RALYL: variants seen among roughly 807,000 people sequenced by gnomAD.
RALYL encodes RALY RNA binding protein like.
RALYL carries 29 observed loss-of-function variants against 35.1 expected under a neutral mutation model. The observed-to-expected ratio is 0.83, with a 90% confidence interval of 0.61 to 1.13. The LOEUF is 1.13. RALYL is among the 50% of genes most tolerant of loss of function. The pLI, the probability that RALYL is intolerant of heterozygous loss-of-function variation, is 0.00. For missense variants in RALYL, 359 were observed against 360.4 expected (o/e 1.00, Z 0.03); for synonymous variants, 120 against 127.6 (o/e 0.94, Z 0.40).
At chr8:84,856,226 A>T (rs1459890953) in intron 5 of RALYL, among the ~76,000 whole-genome samples, 1 of 152,210 alleles carries the variant, frequency 6.6e-6, no homozygotes, top group Non-Finnish European at 1.5e-5. Context: ...TGGATAAGTC[A>T]TCTCTTTTTT....
chr8:84,822,285 G>T (rs1301490000), intron 4 of RALYL, among the ~76,000 whole-genome samples: 1 of 152,120 alleles, frequency 6.6e-6, no homozygotes, highest in South Asian at 2.1e-4. Flanking sequence ...CCCATGGCAG[G>T]CTAAGCACTC....
At chr8:84,552,797 C>T (rs1564132980) in intron 2 of RALYL, among the ~76,000 whole-genome samples, 1 of 151,724 alleles carries the variant, frequency 6.6e-6, no homozygotes, top group Non-Finnish European at 1.5e-5. Context: ...ATTAAATTCA[C>T]CAGCCTCAAA....
intron 8 of RALYL, among the ~76,000 whole-genome samples, chr8:84,907,322 A>T (rs57349369): frequency 0.026 from 3,861 of 147,774 alleles, 186 homozygotes; most frequent in African/African-American, 0.093. Context: ...ACACACACAC[A>T]CACACACACA....
chr8:84,272,294 A>T (rs575132780), intron 1 of RALYL, among the ~76,000 whole-genome samples: 3 of 152,094 alleles, frequency 2.0e-5, no homozygotes, highest in South Asian at 2.1e-4. Context: ...GGGTTTCATC[A>T]TGTTGGCCAG....
intron 2 of RALYL, among the ~76,000 whole-genome samples, chr8:84,722,495 A>G (rs1844114430): frequency 6.6e-6 from 1 of 151,404 alleles, no homozygotes; most frequent in East Asian, 1.9e-4. Flanking sequence ...CTATGCCCAG[A>G]CATTCTTTAA....
intron 2 of RALYL, among the ~76,000 whole-genome samples, chr8:84,586,696 T>C (rs1812092922): frequency 6.6e-6 from 1 of 152,146 alleles, no homozygotes; most frequent in Non-Finnish European, 1.5e-5. Context: ...TGTTTTCCCT[T>C]CTCAAAAAAC....
chr8:84,858,910 T>G (rs1837567992), intron 5 of RALYL, among the ~76,000 whole-genome samples: 1 of 152,190 alleles, frequency 6.6e-6, no homozygotes, highest in Non-Finnish European at 1.5e-5. Flanking sequence ...AAGAAAGTCT[T>G]CAGGTCCATT....
At chr8:84,847,991 A>G (rs1460838315) in intron 4 of RALYL, among the ~76,000 whole-genome samples, 2 of 152,236 alleles carry the variant, frequency 1.3e-5, no homozygotes, top group African/African-American at 4.8e-5. Context: ...CAAAATAACA[A>G]GCCCATCTTA....
intron 1 of RALYL, among the ~76,000 whole-genome samples, chr8:84,420,558 C>G (rs922454490): frequency 1.4e-5 from 2 of 142,556 alleles, no homozygotes. Flanking sequence ...TAATTAGATC[C>G]CATTTGTCAA....
chr8:84,615,658 A>G (rs2130947550), intron 2 of RALYL, among the ~76,000 whole-genome samples: 1 of 131,676 alleles, frequency 7.6e-6, no homozygotes, highest in Non-Finnish European at 1.5e-5. Flanking sequence ...GCTTAGTTAC[A>G]TATGTATACA....
At chr8:84,836,722 T>C (rs1586658106) in intron 4 of RALYL, among the ~76,000 whole-genome samples, 1 of 152,252 alleles carries the variant, frequency 6.6e-6, no homozygotes, top group Non-Finnish European at 1.5e-5. Context: ...CATTTTATGA[T>C]GAATTAGAAG....
At chr8:84,468,516 GT>G in intron 1 of RALYL, among the ~76,000 whole-genome samples, 1 of 149,946 alleles carries the variant, frequency 6.7e-6, no homozygotes, top group Non-Finnish European at 1.5e-5. Context: ...GAGATCTGCT[GT>G]TAGTCTGATG....
At chr8:84,461,630 A>G (rs1242575078) in intron 1 of RALYL, among the ~76,000 whole-genome samples, 2 of 151,746 alleles carry the variant, frequency 1.3e-5, no homozygotes, top group South Asian at 2.1e-4. Context: ...TCACAAGTCT[A>G]TTAAATGTAT....
At chr8:84,209,101 T>C (rs1234142714) in intron 1 of RALYL, among the ~76,000 whole-genome samples, 1 of 128,090 alleles carries the variant, frequency 7.8e-6, no homozygotes, top group Non-Finnish European at 1.7e-5. Flanking sequence ...TAACAAATAT[T>C]GCATAAACAT....
At chr8:84,225,114 A>G (rs1192584955) in intron 1 of RALYL, among the ~76,000 whole-genome samples, 1 of 152,212 alleles carries the variant, frequency 6.6e-6, no homozygotes, top group Non-Finnish European at 1.5e-5. Context: ...ATAGATAGTT[A>G]GAAGTTATCC....
chr8:84,704,777 T>C (rs2132372478), intron 2 of RALYL, among the ~76,000 whole-genome samples: 1 of 152,236 alleles, frequency 6.6e-6, no homozygotes, highest in African/African-American at 2.4e-5. Context: ...ATATTATTCT[T>C]GGTATATGTG....
intron 3 of RALYL, among the ~76,000 whole-genome samples, chr8:84,801,431 C>G (rs879357497): frequency 6.6e-5 from 10 of 152,136 alleles, no homozygotes; most frequent in Non-Finnish European, 8.8e-5. Context: ...GTTTAATATT[C>G]TTACCAGTCT....
intron 1 of RALYL, among the ~76,000 whole-genome samples, chr8:84,469,860 C>A (rs547116506): frequency 6.6e-6 from 1 of 152,124 alleles, no homozygotes; most frequent in African/African-American, 2.4e-5. Context: ...TTTTTAAGCC[C>A]GTCGGAAAAG....
intron 2 of RALYL, among the ~76,000 whole-genome samples, chr8:84,674,637 G>T (rs529014165): frequency 6.6e-6 from 1 of 152,060 alleles, no homozygotes; most frequent in Non-Finnish European, 1.5e-5. Context: ...TACTTCAAAG[G>T]TAATTCTTTT....
Sources: gnomAD v4.1 joint callset for allele counts (sites outside exome capture counted in the v4.1 genomes callset) on GRCh38, gnomAD v4.1.1 for gene constraint, MANE v1.5 for transcripts, NCBI Gene and HGNC (gene_info 2026-07-23, HGNC 2026-07-21) for gene names.